The following CSTF3 variants were observed in gnomAD, a reference collection of about 807,000 sequenced individuals.
CSTF3 encodes the protein CF-1 77 kDa subunit.
A neutral mutation model predicts 105.8 loss-of-function variants in CSTF3; 29 were observed. That is an observed-to-expected ratio of 0.27 (90% confidence interval 0.20 to 0.37). The LOEUF is 0.37. CSTF3 is among the 10% of genes least tolerant of loss of function. The probability of loss-of-function intolerance (pLI) is 1.00; values close to 1 mark genes in which losing one functional copy is unlikely to be tolerated. For synonymous variants in CSTF3, 252 were observed against 281.9 expected (o/e 0.89, Z 1.06); for missense variants, 357 against 879.3 (o/e 0.41, Z 7.51).
At chr11:33,157,287 G>A (rs918930933) in intron 1 of CSTF3, among the ~76,000 whole-genome samples, 3 of 152,036 alleles carry the variant, frequency 2.0e-5, no homozygotes, top group South Asian at 2.1e-4. Flanking sequence ...CCTGGGAGGC[G>A]GAGGTTGCAG....
chr11:33,154,242 T>G (rs980055078), intron 1 of CSTF3, among the ~76,000 whole-genome samples: 1 of 152,138 alleles, frequency 6.6e-6, no homozygotes, highest in African/African-American at 2.4e-5. Flanking sequence ...CACCTAATTA[T>G]GACATAAATG....
At chr11:33,145,691 G>A (rs601178) in intron 1 of CSTF3, among the ~76,000 whole-genome samples, 21,215 of 152,006 alleles carry the variant, frequency 0.14, 1,915 homozygotes, top group East Asian at 0.3. Flanking sequence ...GTGGGCACCT[G>A]TAGTCCCAGC....
chr11:33,153,886 C>A (rs888008342), intron 1 of CSTF3, among the ~76,000 whole-genome samples: 2 of 151,858 alleles, frequency 1.3e-5, no homozygotes, highest in African/African-American at 2.4e-5. Flanking sequence ...AGATTTAAGA[C>A]GATGTAAGCT....
chr11:33,141,718 A>G lies in CSTF3; in HGVS notation c.174T>C (p.Val58=). The change falls in exon 3 of 21, where the codon GTT becomes GTC. Residue 58 remains valine (V), a synonymous_variant. Transcript: ENST00000323959. ...ATCTGCCAGAACTGGGGAACTGGGC[A>G]ACAAGGCGTTCATAAGTCTTCCGTG... ...DKARKTYERL[V]AQFPSSGRFW... is the part of the protein sequence containing the mutation. The G allele has an allele frequency of 6.2e-7, 1 of 1,611,686 alleles. No individual in the cohort carries two copies. The highest frequency in any genetic ancestry group is 8.5e-7 in the Non-Finnish European group (1 of 1,179,364).
At chr11:33,123,621 G>A (rs1249413199) in intron 3 of CSTF3, among the ~76,000 whole-genome samples, 1 of 151,836 alleles carries the variant, frequency 6.6e-6, no homozygotes, top group African/African-American at 2.4e-5. Context: ...TCCTTCAGTA[G>A]GAGACAAGTT....
At chr11:33,148,192 C>T (rs585836) in intron 1 of CSTF3, among the ~76,000 whole-genome samples, 2,593 of 152,146 alleles carry the variant, frequency 0.017, 85 homozygotes, top group African/African-American at 0.059. Context: ...CACAATAAGA[C>T]GTATACATGT....
rs186256275 is a variant in CSTF3, at chr11:33,126,733, T to G, written c.225+14934A>C. On this transcript the variant is annotated intron_variant, in intron 3 of 20. Coordinates refer to ENST00000323959, the MANE Select transcript of CSTF3 (RefSeq NM_001326.3). ...TTTGAATTTTTAGAAATTCAACTTG[T>G]AAAATACAATTATTTCCCACTGTGG... 7.5e-3 allele frequency among the ~76,000 whole-genome samples: 1,137 copies of G among 152,338 alleles called. 17 individuals are homozygous for G. Among genetic ancestry groups the G allele is most frequent in the Non-Finnish European group, 8.1e-3 (553 of 68,028 alleles).
At chr11:33,128,227 CA>C (rs1300495021) in intron 3 of CSTF3, among the ~76,000 whole-genome samples, 1 of 152,038 alleles carries the variant, frequency 6.6e-6, no homozygotes. Context: ...TTCCCCCTCT[CA>C]AAAAGTGAAA....
At chr11:33,136,115 C>T (rs1239425985) in intron 3 of CSTF3, 1 of 152,426 alleles carries the variant, frequency 6.6e-6, no homozygotes, top group Middle Eastern at 3.2e-3. Flanking sequence ...AACTTACCCA[C>T]ATTATGCTTT....
chr11:33,127,162 A>AT (rs1221537655), intron 3 of CSTF3, among the ~76,000 whole-genome samples: 2 of 152,330 alleles, frequency 1.3e-5, no homozygotes, highest in East Asian at 3.9e-4. Flanking sequence ...CTTTACTATT[A>AT]ATATGTGGAT....
At chr11:33,124,922 T>C (rs1855528509) in intron 3 of CSTF3, among the ~76,000 whole-genome samples, 1 of 152,220 alleles carries the variant, frequency 6.6e-6, no homozygotes, top group Non-Finnish European at 1.5e-5. Flanking sequence ...TTTATCTTTT[T>C]GTTTCCAACC....
intron 3 of CSTF3, among the ~76,000 whole-genome samples, chr11:33,127,699 T>C (rs973730560): frequency 4.6e-5 from 7 of 152,202 alleles, no homozygotes; most frequent in African/African-American, 1.7e-4. Context: ...GCGATGTTTT[T>C]GGGTTTTGAG....
intron 3 of CSTF3, among the ~76,000 whole-genome samples, chr11:33,138,428 A>G (rs564974868): frequency 3.4e-4 from 51 of 151,960 alleles, no homozygotes; most frequent in Non-Finnish European, 4.3e-4. Context: ...TTTTGTGATT[A>G]TTTAGTGACC....
At chr11:33,146,705 C>T (rs1855788075) in intron 1 of CSTF3, among the ~76,000 whole-genome samples, 1 of 150,816 alleles carries the variant, frequency 6.6e-6, no homozygotes, top group East Asian at 1.9e-4. Flanking sequence ...ACAACACATA[C>T]ACTTACTCTG....
intron 1 of CSTF3, among the ~76,000 whole-genome samples, chr11:33,155,384 AT>A (rs1299535806): frequency 1.2e-5 from 1 of 81,170 alleles, no homozygotes; most frequent in African/African-American, 4.5e-5. Context: ...AAATAAAAAA[AT>A]TAAAAAAAAA....
intron 1 of CSTF3, among the ~76,000 whole-genome samples, chr11:33,152,178 C>G (rs537795879): frequency 6.6e-6 from 1 of 152,128 alleles, no homozygotes; most frequent in Admixed American, 6.5e-5. Flanking sequence ...TCCCTTGAGC[C>G]GGCGGGGAGG....
At chr11:33,148,699 A>C (rs1224850808) in intron 1 of CSTF3, among the ~76,000 whole-genome samples, 2 of 151,858 alleles carry the variant, frequency 1.3e-5, no homozygotes, top group African/African-American at 4.8e-5. Context: ...CATCTCAAAA[A>C]AAAAAAAAAC....
chr11:33,122,256 TTATATA>T (rs1352072637), intron 3 of CSTF3, among the ~76,000 whole-genome samples: 1 of 152,204 alleles, frequency 6.6e-6, no homozygotes, highest in Non-Finnish European at 1.5e-5. Context: ...AATATAATCC[TTATATA>T]TAAACTCACT....
intron 1 of CSTF3, among the ~76,000 whole-genome samples, chr11:33,158,894 C>G (rs886271265): frequency 1.3e-5 from 2 of 151,942 alleles, no homozygotes; most frequent in Admixed American, 6.5e-5. Context: ...CTTGACACTT[C>G]GAATAGACAA....
Sources: allele counts gnomAD v4.1 joint callset (sites outside exome capture counted in the v4.1 genomes callset), GRCh38; gene constraint gnomAD v4.1.1; transcripts MANE v1.5; gene names NCBI Gene and HGNC (gene_info 2026-07-23, HGNC 2026-07-21).